The following EPM2A variants were observed in gnomAD, a reference collection of about 807,000 sequenced individuals.
EPM2A encodes the protein EPM2A glucan phosphatase, laforin, also known as laforin.
EPM2A carries 21 observed loss-of-function variants against 26.5 expected under a neutral mutation model. The ratio of observed to expected loss-of-function variants is 0.79; its 90% CI spans 0.56 to 1.14. The LOEUF is 1.14. Ranked by LOEUF, EPM2A falls within the 50% of genes most tolerant of loss-of-function variation. The probability of loss-of-function intolerance (pLI) is 0.00; values close to 1 mark genes in which losing one functional copy is unlikely to be tolerated. For missense variants in EPM2A, 458 were observed against 440.8 expected (o/e 1.04, Z -0.35); for synonymous variants, 217 against 177.6 (o/e 1.22, Z -1.76).
chr6:145,699,637 C>A (rs1781804542), intron 1 of EPM2A, among the ~76,000 whole-genome samples: 1 of 152,138 alleles, frequency 6.6e-6, no homozygotes, highest in Admixed American at 6.6e-5. Context: ...TGGATAAGAA[C>A]AAATCTGTTT....
chr6:145,703,918 T>C (rs1342699138), intron 1 of EPM2A, among the ~76,000 whole-genome samples: 2 of 152,226 alleles, frequency 1.3e-5, no homozygotes. Context: ...GATGATCTTC[T>C]GATGATAGGA....
rs577987933 is a variant in EPM2A at position 145,707,060 on chromosome 6, C to A, written c.302-20764G>T. On this transcript the variant is annotated intron_variant, in intron 1 of 3. Transcript: ENST00000367519. ...TTTGGAAACAAAGAGAAAGCCAAAT[C>A]TATTAATACTGGTGCCTTAATCTTT... 2.0e-5 allele frequency among the ~76,000 whole-genome samples: 3 copies of A among 152,308 alleles called. No homozygotes were observed. The East Asian group carries it at 5.8e-4, about 29-fold the overall frequency.
intron 4 of EPM2A, among the ~76,000 whole-genome samples, chr6:145,385,622 T>C (rs574530947): frequency 8.1e-4 from 123 of 152,244 alleles, no homozygotes; most frequent in African/African-American, 2.9e-3. Context: ...AAACTTTTTT[T>C]CCAGGCAAAA....
At chr6:145,542,597 A>G (rs773064004) in intron 2 of EPM2A, among the ~76,000 whole-genome samples, 2 of 152,226 alleles carry the variant, frequency 1.3e-5, no homozygotes, top group Non-Finnish European at 1.5e-5. Flanking sequence ...AGCCAATTAG[A>G]GCATATTCAC....
At chr6:145,722,038 T>TA (rs1775973253) in intron 1 of EPM2A, among the ~76,000 whole-genome samples, 2 of 152,174 alleles carry the variant, frequency 1.3e-5, no homozygotes, top group African/African-American at 4.8e-5. Context: ...AAGTAACAAG[T>TA]AATATCATTT....
rs982814824 is a variant in EPM2A, at chr6:145,644,849, A to G, written c.477-9363T>C. On this transcript the variant is annotated intron_variant, in intron 2 of 3. Transcript: ENST00000367519. ...TCAGAAAGGCCTCTGTCCTCCTTAA[A>G]TTACCCAAGGATCCTGAGGATCCAT... 2.6e-5 allele frequency among the ~76,000 whole-genome samples: 4 copies of G among 152,150 alleles called. No individual in the cohort carries two copies. In the South Asian group the frequency reaches 8.3e-4, roughly 32 times the overall value.
intron 2 of EPM2A, among the ~76,000 whole-genome samples, chr6:145,528,257 G>GAT (rs1156743745): frequency 6.6e-6 from 1 of 152,166 alleles, no homozygotes; most frequent in Non-Finnish European, 1.5e-5. Context: ...GATAACTGAT[G>GAT]AAGGTGGCTA....
intron 2 of EPM2A, among the ~76,000 whole-genome samples, chr6:145,660,719 T>C (rs540936703): frequency 5.3e-5 from 8 of 152,108 alleles, no homozygotes; most frequent in Admixed American, 2.6e-4. Flanking sequence ...GGAGAATCGC[T>C]TGAACCCAGG....
intron 2 of EPM2A, among the ~76,000 whole-genome samples, chr6:145,523,145 T>A (rs1310674932): frequency 6.6e-6 from 1 of 152,230 alleles, no homozygotes; most frequent in Admixed American, 6.5e-5. Flanking sequence ...AACTTTGTTT[T>A]TTCAGTTGAA....
At chr6:145,419,018 T>A (rs557915911) in intron 4 of EPM2A, among the ~76,000 whole-genome samples, 8 of 152,344 alleles carry the variant, frequency 5.3e-5, no homozygotes, top group African/African-American at 1.9e-4. Flanking sequence ...CAGAGGCCTT[T>A]GGTTCTATTT....
intron 2 of EPM2A, among the ~76,000 whole-genome samples, chr6:145,589,066 G>T (rs1049988403): frequency 6.6e-6 from 1 of 152,156 alleles, no homozygotes; most frequent in Non-Finnish European, 1.5e-5. Context: ...CTGTGATCTA[G>T]ATCTCTTCCA....
At chr6:145,452,393 G>C (rs1175274025) in intron 4 of EPM2A, among the ~76,000 whole-genome samples, 2 of 143,638 alleles carry the variant, frequency 1.4e-5, no homozygotes, top group Non-Finnish European at 3.0e-5. Flanking sequence ...TTCTCTATCA[G>C]TAGAGAAACT....
At chr6:145,522,971 G>A (rs907191785) in intron 2 of EPM2A, among the ~76,000 whole-genome samples, 8 of 152,032 alleles carry the variant, frequency 5.3e-5, no homozygotes, top group African/African-American at 1.2e-4. Context: ...ACTCAAGCAC[G>A]CTCTGTTCCA....
chr6:145,626,409 T>G lies in EPM2A; in HGVS notation c.*1007A>C. Reference sequence around the variant, plus strand: ...TTGGTAGTATAGTTCCTCTCATGAATTTCCACTCTGGTCTTAAAACAGCCC... The same window carrying G: ...TTGGTAGTATAGTTCCTCTCATGAAGTTCCACTCTGGTCTTAAAACAGCCC... On this transcript the variant is annotated 3_prime_UTR_variant, in exon 4 of 4. Transcript: ENST00000367519. 3.0e-6 allele frequency: 3 copies of G among 985,970 alleles called. No homozygotes were observed. The South Asian group carries it at 1.4e-4, about 46-fold the overall frequency. The allele number at this position is 985,970 out of a possible 1,614,324, so 61.1% of individuals were successfully genotyped here. A position where few individuals can be genotyped will look rare whatever the true frequency, so the allele number is the denominator to read the frequency against.
At chr6:145,410,320 C>A (rs1052045846) in intron 4 of EPM2A, among the ~76,000 whole-genome samples, 4 of 151,942 alleles carry the variant, frequency 2.6e-5, no homozygotes, top group Non-Finnish European at 4.4e-5. Flanking sequence ...AAAGAATGAC[C>A]AAGTAGAGTG....
chr6:145,506,958 A>G (rs927146946), intron 2 of EPM2A, among the ~76,000 whole-genome samples: 4 of 152,212 alleles, frequency 2.6e-5, no homozygotes, highest in African/African-American at 4.8e-5. Context: ...GGCCATCCTT[A>G]AGCAGTCAAC....
intron 4 of EPM2A, among the ~76,000 whole-genome samples, chr6:145,479,211 T>G (rs1779582161): frequency 6.7e-6 from 1 of 148,866 alleles, no homozygotes; most frequent in Non-Finnish European, 1.5e-5. Flanking sequence ...TTTGCCAAAT[T>G]TTTTTATTTT....
chr6:145,593,514 C>T (rs1434416911), intron 2 of EPM2A, among the ~76,000 whole-genome samples: 1 of 152,026 alleles, frequency 6.6e-6, no homozygotes, highest in Non-Finnish European at 1.5e-5. Flanking sequence ...TTCACCATGA[C>T]AGATCATGTT....
At chr6:145,442,495 C>T (rs12661810) in intron 4 of EPM2A, among the ~76,000 whole-genome samples, 6 of 152,182 alleles carry the variant, frequency 3.9e-5, no homozygotes, top group Non-Finnish European at 7.3e-5. Context: ...AAAGGGGTTT[C>T]TGCTTTAAAG....
Sources: allele counts gnomAD v4.1 joint callset (sites outside exome capture counted in the v4.1 genomes callset), GRCh38; gene constraint gnomAD v4.1.1; transcripts MANE v1.5; gene names NCBI Gene and HGNC (gene_info 2026-07-23, HGNC 2026-07-21).